Variants in SLC25A21 observed in about 807,000 individuals in gnomAD.
SLC25A21 encodes the protein solute carrier family 25 member 21.
In SLC25A21, 47 loss-of-function variants were observed where a neutral mutation model predicts 43.8. The observed-to-expected ratio is 1.07, with a 90% CI of 0.85 to 1.37. The LOEUF is 1.37. Among genes scored for constraint, SLC25A21 ranks in the 40% most tolerant of loss-of-function variants. SLC25A21 has a pLI of 0.00. For missense variants in SLC25A21, 352 were observed against 350.2 expected (o/e 1.00, Z -0.04); for synonymous variants, 131 against 121.3 (o/e 1.08, Z -0.52).
In SLC25A21 at chr14:36,847,841, T is replaced by C. The variant is rs145179283; in HGVS notation, c.119+27115A>G. Among the ~76,000 whole-genome samples the C allele has an allele frequency of 5.3e-4, 80 of 152,298 alleles. 1 individual carries two copies. Among genetic ancestry groups the C allele is most frequent in the African/African-American group, 1.9e-3 (77 of 41,554 alleles). ...CATTTGTACAGGATGTTTCTAGGCA[T>C]GGGAGTAAGTGAACACTCAGCCTTT... On this transcript the variant is annotated intron_variant, in intron 2 of 9. Coordinates refer to ENST00000331299, the MANE Select transcript of SLC25A21 (RefSeq NM_030631.4).
intron 1 of SLC25A21, among the ~76,000 whole-genome samples, chr14:37,073,286 A>G (rs762803214): frequency 2.0e-5 from 3 of 152,198 alleles, no homozygotes; most frequent in Admixed American, 1.3e-4. Flanking sequence ...ACTTTTTCAC[A>G]GTTCCCTATT....
chr14:36,768,489 C>T (rs1484386262), intron 3 of SLC25A21, among the ~76,000 whole-genome samples: 1 of 152,146 alleles, frequency 6.6e-6, no homozygotes, highest in Non-Finnish European at 1.5e-5. Flanking sequence ...TCTCACCCCA[C>T]CGTCGCCTCT....
At chr14:36,773,324 T>C (rs1029776719) in intron 3 of SLC25A21, among the ~76,000 whole-genome samples, 2 of 152,166 alleles carry the variant, frequency 1.3e-5, no homozygotes, top group Admixed American at 6.5e-5. Context: ...CATCTCACAT[T>C]ACCAAAGCCA....
At chr14:36,848,115 AT>A (rs1173897041) in intron 2 of SLC25A21, among the ~76,000 whole-genome samples, 1 of 152,110 alleles carries the variant, frequency 6.6e-6, no homozygotes, top group East Asian at 1.9e-4. Flanking sequence ...AACACCACGA[AT>A]TGGGATAATC....
At chr14:37,069,637 A>T (rs1455810919) in intron 1 of SLC25A21, among the ~76,000 whole-genome samples, 1 of 152,240 alleles carries the variant, frequency 6.6e-6, no homozygotes, top group Non-Finnish European at 1.5e-5. Context: ...TCATACTGGG[A>T]GAGACAGCAA....
chr14:37,140,962 A>G (rs1453406991), intron 1 of SLC25A21, among the ~76,000 whole-genome samples: 2 of 152,132 alleles, frequency 1.3e-5, no homozygotes, highest in African/African-American at 2.4e-5. Flanking sequence ...ACCTTGCCAC[A>G]TGGCGAAATT....
chr14:36,753,087 G>C (rs1885771314), intron 3 of SLC25A21, among the ~76,000 whole-genome samples: 1 of 152,128 alleles, frequency 6.6e-6, no homozygotes, highest in African/African-American at 2.4e-5. Flanking sequence ...CCAGGGGAGA[G>C]AGGTTTAATG....
At chr14:36,705,167 A>G (rs1301747407) in intron 7 of SLC25A21, among the ~76,000 whole-genome samples, 2 of 151,640 alleles carry the variant, frequency 1.3e-5, no homozygotes, top group African/African-American at 4.9e-5. Flanking sequence ...TAGCCTCCCA[A>G]GTAGCTGGGA....
intron 1 of SLC25A21, among the ~76,000 whole-genome samples, chr14:37,042,912 T>C (rs1961505578): frequency 6.6e-6 from 1 of 152,222 alleles, no homozygotes; most frequent in Non-Finnish European, 1.5e-5. Context: ...TACTAAACTC[T>C]TTATGAGACA....
intron 1 of SLC25A21, among the ~76,000 whole-genome samples, chr14:37,003,795 T>A (rs553317613): frequency 6.6e-6 from 1 of 152,212 alleles, no homozygotes; most frequent in Non-Finnish European, 1.5e-5. Context: ...GTTATGTCTG[T>A]TTCTTTCTCT....
intron 1 of SLC25A21, among the ~76,000 whole-genome samples, chr14:36,988,326 G>A (rs942115949): frequency 3.3e-5 from 5 of 152,148 alleles, no homozygotes; most frequent in African/African-American, 1.2e-4. Context: ...TATTTCAAGA[G>A]CTAGATAAAA....
rs532855552 is a variant in SLC25A21, at chr14:36,883,210, C to T, written c.71-8206G>A. 6.1e-4 allele frequency among the ~76,000 whole-genome samples: 93 copies of T among 152,290 alleles called. 1 individual carries two copies. The highest frequency in any genetic ancestry group is 2.0e-3 in the African/African-American group (82 of 41,568). On this transcript the variant is annotated intron_variant, in intron 1 of 9. Coordinates refer to ENST00000331299, the MANE Select transcript of SLC25A21 (RefSeq NM_030631.4). ...AACCCCAGCTTCATTACTCCTCTCA[C>T]CTGCTGTCTTACAACTCTCCCCTCC...
At chr14:37,097,237 A>C (rs1279650068) in intron 1 of SLC25A21, 1 of 152,012 alleles carries the variant, frequency 6.6e-6, no homozygotes, top group East Asian at 1.9e-4. Context: ...AGTAGCTGAA[A>C]TTACAGGTGT....
At chr14:36,698,910 C>T (rs1398230338) in intron 7 of SLC25A21, among the ~76,000 whole-genome samples, 1 of 152,110 alleles carries the variant, frequency 6.6e-6, no homozygotes, top group Non-Finnish European at 1.5e-5. Flanking sequence ...TCTGAAGCCA[C>T]TTCTCTTCTG....
At chr14:36,956,975 C>A (rs74045207) in intron 1 of SLC25A21, among the ~76,000 whole-genome samples, 25 of 152,096 alleles carry the variant, frequency 1.6e-4, no homozygotes, top group Admixed American at 4.6e-4. Context: ...TGAATAAAAC[C>A]AGAGCTTTTC....
intron 1 of SLC25A21, among the ~76,000 whole-genome samples, chr14:37,156,674 A>G (rs1566919771): frequency 6.6e-6 from 1 of 152,186 alleles, no homozygotes. Context: ...AGAGTAAAAG[A>G]AAGACAAAGA....
At chr14:36,695,442 G>A (rs1405084064) in intron 7 of SLC25A21, among the ~76,000 whole-genome samples, 3 of 152,158 alleles carry the variant, frequency 2.0e-5, no homozygotes, top group Non-Finnish European at 4.4e-5. Flanking sequence ...TTCCAATTGT[G>A]TGAAGAAAGT....
intron 1 of SLC25A21, among the ~76,000 whole-genome samples, chr14:37,001,415 T>C (rs1960486646): frequency 6.6e-6 from 1 of 152,174 alleles, no homozygotes; most frequent in Non-Finnish European, 1.5e-5. Context: ...GGGCACACAC[T>C]GAGCAAGTAA....
chr14:37,043,100 C>T (rs998570079), intron 1 of SLC25A21, among the ~76,000 whole-genome samples: 2 of 152,222 alleles, frequency 1.3e-5, no homozygotes, highest in African/African-American at 4.8e-5. Context: ...CACCTTCTGC[C>T]ACAGACACAA....
Sources: allele counts gnomAD v4.1 joint callset (sites outside exome capture counted in the v4.1 genomes callset), GRCh38; gene constraint gnomAD v4.1.1; transcripts MANE v1.5; gene names NCBI Gene and HGNC (gene_info 2026-07-23, HGNC 2026-07-21).